The following XDH variants were observed in gnomAD, a reference collection of about 807,000 sequenced individuals.
XDH encodes xanthine dehydrogenase, also known as xanthine dehydrogenase/oxidase.
Under a neutral mutation model 156.1 loss-of-function variants are expected in XDH, and 138 were observed. The ratio of observed to expected loss-of-function variants is 0.88; its 90% confidence interval spans 0.77 to 1.02. The LOEUF (loss-of-function observed/expected upper bound fraction) is 1.02, where lower values mean the gene tolerates loss of function less well. Among genes scored for constraint, XDH ranks in the 50% least tolerant of loss-of-function variants. The pLI, the probability that XDH is intolerant of heterozygous loss-of-function variation, is 0.00. For missense variants in XDH, 1,849 were observed against 1,684.9 expected, an observed-to-expected ratio of 1.10 and a Z score of -1.71; for synonymous variants, 669 against 625.7, an observed-to-expected ratio of 1.07 and a Z score of -1.03.
chr2:31,402,236 T>C (rs1234504376), intron 3 of XDH, among the ~76,000 whole-genome samples: 4 of 152,202 alleles, frequency 2.6e-5, no homozygotes, highest in South Asian at 4.1e-4. Flanking sequence ...GACTTTCCAG[T>C]GGGATAGACC....
At chr2:31,399,209 G>A (rs533225747) in intron 4 of XDH, among the ~76,000 whole-genome samples, 93 of 152,290 alleles carry the variant, frequency 6.1e-4, no homozygotes, top group South Asian at 3.5e-3. Flanking sequence ...AAAAGAGTAG[G>A]GTTTTCTTAA....
intron 1 of XDH, among the ~76,000 whole-genome samples, chr2:31,409,972 CTG>C (rs1687296963): frequency 6.6e-6 from 1 of 152,160 alleles, no homozygotes; most frequent in African/African-American, 2.4e-5. Flanking sequence ...AGTAGCCAAA[CTG>C]TGAAAGCAAC....
chr2:31,369,997 T>G (rs563870278), intron 18 of XDH, among the ~76,000 whole-genome samples: 86 of 152,344 alleles, frequency 5.6e-4, no homozygotes, highest in African/African-American at 2.0e-3. Flanking sequence ...CCAATTCACG[T>G]AGTGGTGGTA....
chr2:31,400,278 G>A (rs1044926171), intron 4 of XDH, among the ~76,000 whole-genome samples: 11 of 135,368 alleles, frequency 8.1e-5, no homozygotes, highest in South Asian at 4.6e-4. Flanking sequence ...TCACTCTGTC[G>A]CCCAGGCTGG....
rs202023189 is a variant in XDH, at chr2:31,339,614, C to G, written c.3649G>C (p.Glu1217Gln). The change falls in exon 34 of 36, where the codon GAG becomes CAG. Residue 1217 changes from glutamate (E) to glutamine (Q), a missense_variant. By Grantham distance (29) the Glu-to-Gln change is conservative. Coordinates refer to ENST00000379416, the MANE Select transcript of XDH (RefSeq NM_000379.4). ...FTLEELHYSP[E>Q]GSLHTRGPST... is the part of the protein sequence containing the mutation. ...GGGCCACGGGTGTGCAGGCTCCCCTCGGGGGAATAGTGTAGCTCCTCTAGG... is the reference window on the plus strand; with the variant it reads ...GGGCCACGGGTGTGCAGGCTCCCCTGGGGGGAATAGTGTAGCTCCTCTAGG... The G allele has an allele frequency of 2.5e-6, 4 of 1,614,058 alleles. No individual in the cohort carries two copies. Among genetic ancestry groups the G allele is most frequent in the Non-Finnish European group, 3.4e-6 (4 of 1,179,972 alleles).
chr2:31,350,252 G>C, intron 24 of XDH, 29 bp from the exon 25 acceptor site: 2 of 1,610,014 alleles, frequency 1.2e-6, no homozygotes, highest in Non-Finnish European at 1.7e-6. Flanking sequence ...AAATGGGAGA[G>C]AACAGTGTAC....
chr2:31,366,338 G>C (rs981036756), intron 21 of XDH, among the ~76,000 whole-genome samples: 2 of 152,192 alleles, frequency 1.3e-5, no homozygotes, highest in Non-Finnish European at 2.9e-5. Context: ...AATACTTTTA[G>C]AAACTTATTC....
intron 9 of XDH, 111 bp downstream of exon 9, chr2:31,386,303 G>A: frequency 6.9e-7 from 1 of 1,447,432 alleles, no homozygotes; most frequent in Non-Finnish European, 9.5e-7. Context: ...GTGGGGCAGA[G>A]GGATAGGGTG....
At chr2:31,368,464 C>T (rs1685980266) in intron 19 of XDH, 77 bp downstream of exon 19, 1 of 1,586,154 alleles carries the variant, frequency 6.3e-7, no homozygotes, top group Middle Eastern at 1.8e-4. Flanking sequence ...CTCAAATCCC[C>T]TCCAGGGGAT....
At chr2:31,360,483 A>G (rs761115906) in intron 24 of XDH, among the ~76,000 whole-genome samples, 1 of 152,188 alleles carries the variant, frequency 6.6e-6, no homozygotes, top group South Asian at 2.1e-4. Flanking sequence ...CCTGGGTGAC[A>G]GAGTGAGACT....
rs1686299721 is a variant in XDH, at chr2:31,378,061, AG to A, written c.1243-825del. Among the ~76,000 whole-genome samples the A allele has an allele frequency of 2.4e-4, 5 of 20,996 alleles. No homozygotes were observed. In the South Asian group the frequency reaches 0.011, roughly 48 times the overall value. 13.8% of individuals were successfully genotyped at this position (20,996 alleles called of 152,430 possible). ...AGAAGAAAGAGAAAGAAAGGAAGAA[AG>A]AAAGAAAGAAAGAAAGAAAGAAAGA... On this transcript the variant is annotated intron_variant, in intron 13 of 35. Transcript: ENST00000379416.
intron 1 of XDH, among the ~76,000 whole-genome samples, chr2:31,407,674 A>G (rs1687229897): frequency 6.6e-6 from 1 of 152,162 alleles, no homozygotes; most frequent in African/African-American, 2.4e-5. Flanking sequence ...AATAGTACCA[A>G]TTAAAGGAGA....
chr2:31,336,007 C>T lies in XDH; in HGVS notation c.3953G>A (p.Cys1318Tyr), dbSNP rs2295474. 48 of 1,614,090 alleles carry T rather than the reference C, an allele frequency of 3.0e-5. No individual in the cohort carries two copies. The East Asian group carries it at 1.1e-3, about 36-fold the overall frequency. The stretch of plus-strand genomic sequence containing the variant: ...GCAGTTTTCTGGGACACCAGTGACA[C>T]ACTAGGAAGGAATGATAGTGTTCTC... ...NACVDKFTTL[C>Y]VTGVPENCKP... The change falls in exon 36 of 36, where the codon TGT (cysteine) becomes TAT (tyrosine). Residue 1318 changes from cysteine (C) to tyrosine (Y), a missense_variant and splice_region_variant. Transcript: ENST00000379416.
chr2:31,379,958 T>C lies in XDH; in HGVS notation c.1151A>G (p.Gln384Arg). Residue 384 changes from glutamine to arginine, a missense_variant, in exon 13 of 36, where the codon CAG (glutamine) becomes CGG (arginine). Physicochemically the swap from Gln to Arg is conservative, Grantham distance 43. Transcript: ENST00000379416. ...GCCAGGGAAGAAGGTGTGGTCCATC[T>C]GGACAGTTCTCCTGGTGCCTGTACA... ...LVSRGTRRTV[Q>R]MDHTFFPGYR... 1 of 1,614,046 alleles carries C rather than the reference T, an allele frequency of 6.2e-7. No homozygotes were observed. The highest frequency in any genetic ancestry group is 8.5e-7 in the Non-Finnish European group (1 of 1,180,028).
chr2:31,339,536 A>G lies in XDH; in HGVS notation c.3727T>C (p.Ser1243Pro). The G allele has an allele frequency of 6.2e-7, 1 of 1,614,208 alleles. No individual in the cohort carries two copies. The highest frequency in any genetic ancestry group is 1.3e-5 in the African/African-American group (1 of 75,062). ...FGSIPIEFRV[S>P]LLRDCPNKKA... ...TTGTTGGGGCAGTCGCGGAGCAGGG[A>G]CACCCTGAACTCAATGGGGATGCTG... Residue 1243 changes from serine to proline, a missense_variant, in exon 34 of 36, where the codon TCC becomes CCC. Transcript: ENST00000379416.
chr2:31,365,798 C>T lies in XDH; in HGVS notation c.2456+178G>A, dbSNP rs12621192. ...GGTGGATACCTGTGCCAGACCACAA[C>T]GGAACAGGCGATGTTACCCTCCCAC... On this transcript the variant is annotated intron_variant, in intron 22 of 35. Coordinates refer to ENST00000379416, the MANE Select transcript of XDH (RefSeq NM_000379.4). 0.26 allele frequency among the ~76,000 whole-genome samples: 40,177 copies of T among 152,112 alleles called. 6,252 individuals carry two copies. Among genetic ancestry groups the T allele is most frequent in the East Asian group, 0.42 (2,145 of 5,150 alleles).
rs797020315 is a variant in XDH, at chr2:31,390,636, G to A, written c.496-2341C>T. On this transcript the variant is annotated intron_variant, in intron 6 of 35. Coordinates refer to ENST00000379416, the MANE Select transcript of XDH (RefSeq NM_000379.4). ...GTTTGCATTCTCACCAGCAATGAAT[G>A]AGAGTTCCTGTTGCCCCACATCCTC... is the stretch of plus-strand genomic sequence containing the variant. Among the ~76,000 whole-genome samples, 10 of 152,326 alleles carry A rather than the reference G, an allele frequency of 6.6e-5. 1 individual carries two copies. The highest frequency in any genetic ancestry group is 2.4e-4 in the African/African-American group (10 of 41,574).
chr2:31,389,391 G>C lies in XDH; in HGVS notation c.496-1096C>G, dbSNP rs115739108. ...TGTGCAGACTCTTCCTGCATTCACAGCTCCAGCACTGGACACCAGACCTGC... is the reference window on the plus strand; with the variant it reads ...TGTGCAGACTCTTCCTGCATTCACACCTCCAGCACTGGACACCAGACCTGC... On this transcript the variant is annotated intron_variant, in intron 6 of 35. Coordinates refer to ENST00000379416, the MANE Select transcript of XDH (RefSeq NM_000379.4). Among the ~76,000 whole-genome samples, 321 of 152,254 alleles carry C rather than the reference G, an allele frequency of 2.1e-3. 1 individual carries two copies. Among genetic ancestry groups the C allele is most frequent in the Admixed American group, 3.6e-3 (55 of 15,302 alleles).
At chr2:31,382,916 C>T (rs1686476637) in intron 11 of XDH, 85 bp downstream of exon 11, 6 of 1,595,658 alleles carry the variant, frequency 3.8e-6, no homozygotes, top group Non-Finnish European at 5.1e-6. Context: ...AGGCCCACTG[C>T]ACTGACACAG....
Sources: allele counts gnomAD v4.1 joint callset (sites outside exome capture counted in the v4.1 genomes callset), GRCh38; gene constraint gnomAD v4.1.1; transcripts MANE v1.5; gene names NCBI Gene and HGNC (gene_info 2026-07-23, HGNC 2026-07-21).